Variants in IFRD1 observed in about 807,000 individuals in gnomAD.
IFRD1 encodes interferon related developmental regulator 1.
In IFRD1, 35 loss-of-function variants were observed where a neutral mutation model predicts 52.9. The observed-to-expected ratio is 0.66, with a 90% CI of 0.51 to 0.88. The LOEUF is 0.88. IFRD1 is among the 40% of genes least tolerant of loss of function. IFRD1 has a pLI of 0.00. For synonymous variants in IFRD1, 184 were observed against 188.4 expected (o/e 0.98, Z 0.19); for missense variants, 517 against 550.8 (o/e 0.94, Z 0.61).
At chr7:112,424,350 GGTCAGCT>G (rs1283692085) in intron 1 of IFRD1, among the ~76,000 whole-genome samples, 1 of 152,088 alleles carries the variant, frequency 6.6e-6, no homozygotes, top group Non-Finnish European at 1.5e-5. Context: ...GTCAGCACAG[GGTCAGCT>G]TGCTGTGTAG....
intron 8 of IFRD1, among the ~76,000 whole-genome samples, chr7:112,466,846 A>G (rs1351262506): frequency 1.3e-5 from 2 of 152,100 alleles, no homozygotes; most frequent in Non-Finnish European, 2.9e-5. Flanking sequence ...AATTATTCCC[A>G]TCTTGTTATG....
At chr7:112,464,720 T>C (rs1795565743) in intron 8 of IFRD1, among the ~76,000 whole-genome samples, 1 of 152,196 alleles carries the variant, frequency 6.6e-6, no homozygotes, top group South Asian at 2.1e-4. Flanking sequence ...AGAATTAAGA[T>C]CTTGGGAGCC....
intron 9 of IFRD1, among the ~76,000 whole-genome samples, chr7:112,470,939 A>G (rs1795729981): frequency 6.6e-6 from 1 of 152,186 alleles, no homozygotes; most frequent in Non-Finnish European, 1.5e-5. Context: ...CCAACCAGAT[A>G]TGGAGGATTG....
intron 3 of IFRD1, among the ~76,000 whole-genome samples, 190 bp from the exon 4 acceptor site, chr7:112,456,724 G>A (rs1795302003): frequency 6.6e-6 from 1 of 152,126 alleles, no homozygotes; most frequent in Non-Finnish European, 1.5e-5. Flanking sequence ...GCAGCCTTAA[G>A]TGTTTTGTGT....
At chr7:112,454,858 T>TG (rs1491340920) in intron 1 of IFRD1, among the ~76,000 whole-genome samples, 2 of 11,318 alleles carry the variant, frequency 1.8e-4, no homozygotes, top group Non-Finnish European at 4.8e-4. Context: ...TTCATATCAG[T>TG]TTTTTTTTTT....
At chr7:112,431,777 G>T (rs1794552812) in intron 1 of IFRD1, among the ~76,000 whole-genome samples, 1 of 152,204 alleles carries the variant, frequency 6.6e-6, no homozygotes, top group Admixed American at 6.5e-5. Flanking sequence ...GGGCTACCAA[G>T]TATTCTGTCT....
At chr7:112,445,525 G>T (rs1795008131), upstream of IFRD1, among the ~76,000 whole-genome samples, 1 of 152,218 alleles carries the variant, frequency 6.6e-6, no homozygotes, top group Non-Finnish European at 1.5e-5. Flanking sequence ...TGTGAAAACA[G>T]TCTAGAACAG....
Position 112,476,915 on chromosome 7 carries a change from C to T in IFRD1, c.*1396C>T, listed in dbSNP as rs1209459426. 2 of 152,126 alleles carry T rather than the reference C, an allele frequency of 1.3e-5. No individual in the cohort carries two copies. Among genetic ancestry groups the T allele is most frequent in the Non-Finnish European group, 2.9e-5 (2 of 68,048 alleles). The allele number at this position is 152,126 out of a possible 1,614,324, so 9.4% of individuals were successfully genotyped here. A position where few individuals can be genotyped will look rare whatever the true frequency, so the allele number is the denominator to read the frequency against. On this transcript the variant is annotated 3_prime_UTR_variant, in exon 12 of 12. Coordinates refer to ENST00000403825, the MANE Select transcript of IFRD1 (RefSeq NM_001550.4). ...TTTTTCCAAACTAGTGTTCCCCTCCCACATCCCAACAACTCTTGGAAGTCT... is the reference window on the plus strand; with the variant it reads ...TTTTTCCAAACTAGTGTTCCCCTCCTACATCCCAACAACTCTTGGAAGTCT...
intron 8 of IFRD1, among the ~76,000 whole-genome samples, chr7:112,466,689 A>T (rs953742632): frequency 6.6e-6 from 1 of 152,274 alleles, no homozygotes; most frequent in East Asian, 1.9e-4. Context: ...TTAAATTTTG[A>T]TTTATTCTTC....
chr7:112,433,134 A>G (rs114975449), intron 1 of IFRD1, among the ~76,000 whole-genome samples: 2,405 of 152,248 alleles, frequency 0.016, 57 homozygotes, highest in African/African-American at 0.056. Flanking sequence ...GACAGAGCCA[A>G]TTTATCAAGA....
At position 112,462,094 on chromosome 7, in the gene IFRD1, A is replaced by G; in HGVS notation, c.712A>G (p.Thr238Ala). 9.3e-6 allele frequency: 15 copies of G among 1,611,104 alleles called. No homozygotes were observed. The highest frequency in any genetic ancestry group is 1.2e-5 in the Non-Finnish European group (14 of 1,177,372). ...DTTVICSTPN[T>A]VLHISSLLAW... ...TACTGTTATTTGCAGCACTCCTAAT[A>G]CAGTGCTTCATATCAGCTCTCTTCT... Residue 238 changes from threonine to alanine, a missense_variant, in exon 7 of 12, where the codon ACA becomes GCA. Transcript: ENST00000403825.
rs1795448424 is a variant in IFRD1 at position 112,461,921 on chromosome 7, G to A, written c.618+5G>A. ...ATTGCCACAGATGACATTACTGTAAGTAAAAAACCTTTGATTCTAGTTATC... is the reference window on the plus strand; with the variant it reads ...ATTGCCACAGATGACATTACTGTAAATAAAAAACCTTTGATTCTAGTTATC... On this transcript the variant is annotated splice_donor_5th_base_variant and intron_variant, in intron 6 of 11. Coordinates refer to ENST00000403825, the MANE Select transcript of IFRD1 (RefSeq NM_001550.4). 1 of 1,609,972 alleles carries A rather than the reference G, an allele frequency of 6.2e-7. No homozygotes were observed. The highest frequency in any genetic ancestry group is 8.5e-7 in the Non-Finnish European group (1 of 1,176,786).
chr7:112,468,160 A>G (rs1226877753), intron 9 of IFRD1, 45 bp downstream of exon 9: 1 of 1,590,030 alleles, frequency 6.3e-7, no homozygotes, highest in South Asian at 1.1e-5. Flanking sequence ...TTGAAATTGG[A>G]TTGTTTCAGG....
chr7:112,432,077 C>G (rs1437987653), intron 1 of IFRD1, among the ~76,000 whole-genome samples: 1 of 152,184 alleles, frequency 6.6e-6, no homozygotes, highest in African/African-American at 2.4e-5. Context: ...CCTCTTATTG[C>G]CTACTCCTAT....
At chr7:112,445,170 C>T (rs1236926891) in intron 1 of IFRD1, among the ~76,000 whole-genome samples, 1 of 150,690 alleles carries the variant, frequency 6.6e-6, no homozygotes, top group Non-Finnish European at 1.5e-5. Flanking sequence ...GAGTTCATGC[C>T]ATTCTCCTGC....
intron 1 of IFRD1, among the ~76,000 whole-genome samples, chr7:112,428,565 A>C (rs982802914): frequency 6.6e-6 from 1 of 151,920 alleles, no homozygotes; most frequent in African/African-American, 2.4e-5. Context: ...ATAAAAGATG[A>C]CTCCTGGGGG....
At chr7:112,461,223 C>G (rs1795424238) in intron 5 of IFRD1, 1 of 152,250 alleles carries the variant, frequency 6.6e-6, no homozygotes, top group Admixed American at 6.5e-5. Flanking sequence ...TATGAAATTT[C>G]TGCTCCTGTG....
At chr7:112,425,809 A>G (rs1272541476) in intron 1 of IFRD1, among the ~76,000 whole-genome samples, 1 of 152,180 alleles carries the variant, frequency 6.6e-6, no homozygotes, top group African/African-American at 2.4e-5. Flanking sequence ...AAAACAAAAC[A>G]AACAAAAACA....
rs951720097 is a variant in IFRD1, at chr7:112,435,145, G to A, written c.-182+11713G>A. On this transcript the variant is annotated intron_variant, in intron 1 of 12. Coordinates refer to the IFRD1 transcript ENST00000005558. ...TGAACAGAGTAATATTTTATTGGAC[G>A]GCAATAATTTTACTTTAGATTTCAA... 4.6e-5 allele frequency among the ~76,000 whole-genome samples: 7 copies of A among 152,092 alleles called. No homozygotes were observed. In the South Asian group the frequency reaches 6.2e-4, roughly 14 times the overall value.
Sources: allele counts gnomAD v4.1 joint callset (sites outside exome capture counted in the v4.1 genomes callset), GRCh38; gene constraint gnomAD v4.1.1; transcripts MANE v1.5; gene names NCBI Gene and HGNC (gene_info 2026-07-23, HGNC 2026-07-21).